RSRC1: variants seen among roughly 807,000 people sequenced by gnomAD.
The protein encoded by RSRC1 is serine/Arginine-related protein 53.
In RSRC1, 39 loss-of-function variants were observed where a neutral mutation model predicts 49.1. The ratio of observed to expected loss-of-function variants is 0.79; its 90% CI spans 0.61 to 1.04. RSRC1 has a LOEUF of 1.04. RSRC1 is among the 50% of genes least tolerant of loss of function. The pLI is 0.00. For synonymous variants in RSRC1, 143 were observed against 130.8 expected (o/e 1.09, Z -0.63); for missense variants, 388 against 402.4 (o/e 0.96, Z 0.31).
intron 6 of RSRC1, among the ~76,000 whole-genome samples, chr3:158,433,304 T>C (rs1343693527): frequency 6.6e-6 from 1 of 152,000 alleles, no homozygotes; most frequent in Non-Finnish European, 1.5e-5. Flanking sequence ...AATTGTGCAA[T>C]TATTGAAAAC....
intron 6 of RSRC1, among the ~76,000 whole-genome samples, chr3:158,436,202 G>A (rs1736033285): frequency 6.6e-6 from 1 of 151,822 alleles, no homozygotes; most frequent in Non-Finnish European, 1.5e-5. Flanking sequence ...GCAGTCTAGT[G>A]GGGAAGAAAG....
At chr3:158,384,701 A>G (rs1412271463) in intron 6 of RSRC1, among the ~76,000 whole-genome samples, 1 of 152,164 alleles carries the variant, frequency 6.6e-6, no homozygotes, top group Non-Finnish European at 1.5e-5. Flanking sequence ...CAATAAAGAA[A>G]TGTAGCCACT....
chr3:158,144,213 C>A (rs1035123137), intron 3 of RSRC1, among the ~76,000 whole-genome samples: 1 of 152,088 alleles, frequency 6.6e-6, no homozygotes, highest in Non-Finnish European at 1.5e-5. Flanking sequence ...TATACTTGTG[C>A]CATGTTGGTG....
intron 3 of RSRC1, among the ~76,000 whole-genome samples, chr3:158,197,980 G>A (rs1165068691): frequency 2.0e-5 from 3 of 152,146 alleles, no homozygotes; most frequent in Admixed American, 2.0e-4. Flanking sequence ...GATTTGGGGT[G>A]GAGAGTTCTG....
In RSRC1 at chr3:158,513,007, G is replaced by T. The variant is rs879658978; in HGVS notation, c.653-24085G>T. On this transcript the variant is annotated intron_variant, in intron 7 of 9. Transcript: ENST00000611884. ...CTGAAGTTGCTTATCAGCTTAAGGA[G>T]ATTTTGGGCTGAGACAATGGGGTTT... 4.1e-3 allele frequency among the ~76,000 whole-genome samples: 542 copies of T among 132,150 alleles called. 8 individuals are homozygous for T. Among genetic ancestry groups the T allele is most frequent in the Middle Eastern group, 3.8e-3 (1 of 262 alleles). The allele number at this position is 132,150 out of a possible 152,430, so 86.7% of individuals were successfully genotyped here. A position where few individuals can be genotyped will look rare whatever the true frequency, so the allele number is the denominator to read the frequency against.
chr3:158,333,839 C>T (rs1339193729), intron 5 of RSRC1, among the ~76,000 whole-genome samples: 1 of 152,114 alleles, frequency 6.6e-6, no homozygotes, highest in African/African-American at 2.4e-5. Context: ...ACACCATTCC[C>T]TTTCCAGCAG....
At chr3:158,246,354 A>G (rs1203158017) in intron 4 of RSRC1, among the ~76,000 whole-genome samples, 1 of 151,944 alleles carries the variant, frequency 6.6e-6, no homozygotes, top group Non-Finnish European at 1.5e-5. Flanking sequence ...ATATGTAACA[A>G]ACCTGCACGT....
chr3:158,489,283 A>G (rs760419060), intron 7 of RSRC1, among the ~76,000 whole-genome samples: 1 of 152,192 alleles, frequency 6.6e-6, no homozygotes, highest in Non-Finnish European at 1.5e-5. Context: ...TTTGATTTCA[A>G]ATCTTTCTTT....
intron 7 of RSRC1, among the ~76,000 whole-genome samples, chr3:158,491,702 A>G (rs910092704): frequency 1.3e-5 from 2 of 152,234 alleles, no homozygotes. Context: ...ATCAAATTAT[A>G]TGCTGAAGTA....
At chr3:158,431,192 G>C (rs903992787) in intron 6 of RSRC1, among the ~76,000 whole-genome samples, 4 of 151,806 alleles carry the variant, frequency 2.6e-5, no homozygotes, top group African/African-American at 9.7e-5. Flanking sequence ...CTGTGGTTTT[G>C]ATAATAGCAT....
intron 5 of RSRC1, among the ~76,000 whole-genome samples, chr3:158,334,692 T>TGTGTGTGTG (rs1729782776): frequency 7.0e-6 from 1 of 142,622 alleles, no homozygotes; most frequent in Non-Finnish European, 1.5e-5. Context: ...TGTGTATGTG[T>TGTGTGTGTG]TGTGTTTTAG....
At chr3:158,452,542 G>A (rs943039907) in intron 6 of RSRC1, among the ~76,000 whole-genome samples, 15 of 152,158 alleles carry the variant, frequency 9.9e-5, no homozygotes, top group African/African-American at 3.6e-4. Flanking sequence ...TACAAATCTT[G>A]CCAGTTTGCA....
intron 6 of RSRC1, among the ~76,000 whole-genome samples, chr3:158,452,054 A>G (rs956833028): frequency 6.6e-6 from 1 of 152,126 alleles, no homozygotes; most frequent in Non-Finnish European, 1.5e-5. Context: ...GTATATTCAG[A>G]TAAAAGTTTC....
In RSRC1 at chr3:158,543,688, C is replaced by G. The variant is rs534666229; in HGVS notation, c.912+201C>G. On this transcript the variant is annotated intron_variant, in intron 9 of 9. Transcript: ENST00000611884. ...TACAGTAGGGTCCAACTCATGTTGC[C>G]TAACCTGTAGAAGTATTCTGTCTAT... 3 of 467,320 alleles carry G rather than the reference C, an allele frequency of 6.4e-6. No individual in the cohort carries two copies. In the South Asian group the frequency reaches 1.6e-4, roughly 24 times the overall value. 28.9% of individuals were successfully genotyped at this position (467,320 alleles called of 1,614,324 possible). A position where few individuals can be genotyped will look rare whatever the true frequency, so the allele number is the denominator to read the frequency against.
chr3:158,439,382 C>A (rs923009106), intron 6 of RSRC1, among the ~76,000 whole-genome samples: 2 of 152,068 alleles, frequency 1.3e-5, no homozygotes, highest in African/African-American at 4.8e-5. Flanking sequence ...TATTGCGGCA[C>A]TATTCACAAT....
chr3:158,322,961 T>G (rs991631572), intron 5 of RSRC1, among the ~76,000 whole-genome samples: 8 of 152,226 alleles, frequency 5.3e-5, no homozygotes, highest in Admixed American at 1.3e-4. Context: ...TTCTTTGAAG[T>G]CTTTGTCTGC....
Position 158,293,136 on chromosome 3 carries a change from T to C in RSRC1, c.495-4903T>C, listed in dbSNP as rs146662293. ...TAAACTTAGGTGTCCCAATGTGATA[T>C]GTGTTAAGCTTTATGTATATGCAAA... On this transcript the variant is annotated intron_variant, in intron 4 of 9. Transcript: ENST00000611884. 1.6e-4 allele frequency among the ~76,000 whole-genome samples: 24 copies of C among 152,282 alleles called. No homozygotes were observed. The East Asian group carries it at 4.2e-3, about 27-fold the overall frequency.
At chr3:158,520,452 T>C (rs987901370) in intron 7 of RSRC1, among the ~76,000 whole-genome samples, 5 of 152,174 alleles carry the variant, frequency 3.3e-5, no homozygotes, top group African/African-American at 1.2e-4. Context: ...TTTTTGAATG[T>C]GTTTACTATA....
At chr3:158,373,771 T>C (rs563050827) in intron 6 of RSRC1, among the ~76,000 whole-genome samples, 1 of 152,068 alleles carries the variant, frequency 6.6e-6, no homozygotes, top group Admixed American at 6.5e-5. Flanking sequence ...GGTACCCTGG[T>C]ATTAGAAGCT....
Sources: gnomAD v4.1 joint callset for allele counts (sites outside exome capture counted in the v4.1 genomes callset) on GRCh38, gnomAD v4.1.1 for gene constraint, MANE v1.5 for transcripts, NCBI Gene and HGNC (gene_info 2026-07-23, HGNC 2026-07-21) for gene names.